Variants in SMG6 observed in about 807,000 individuals in gnomAD.
SMG6 encodes telomerase-binding protein EST1A.
SMG6 carries 66 observed loss-of-function variants against 142.2 expected under a neutral mutation model. The observed-to-expected ratio is 0.46, with a 90% confidence interval of 0.38 to 0.57. The LOEUF (loss-of-function observed/expected upper bound fraction) is 0.57, where lower values mean the gene tolerates loss of function less well. SMG6 is among the 20% of genes least tolerant of loss of function. SMG6 has a pLI of 0.00. For missense variants in SMG6, 1,793 were observed against 1,832.0 expected, an observed-to-expected ratio of 0.98 and a Z score of 0.39; for synonymous variants, 779 against 702.4, an observed-to-expected ratio of 1.11 and a Z score of -1.72.
intron 2 of SMG6, among the ~76,000 whole-genome samples, 188 bp downstream of exon 2, chr17:2,298,718 A>G (rs1230996032): frequency 1.5e-5 from 2 of 137,930 alleles, no homozygotes; most frequent in East Asian, 4.2e-4. Context: ...ACTCCGTCTT[A>G]AAAAAAAAAA....
rs553382223 is a variant in SMG6, at chr17:2,129,189, G to A, written c.3358-43288C>T. On this transcript the variant is annotated intron_variant, in intron 13 of 18. Coordinates refer to ENST00000263073, the MANE Select transcript of SMG6 (RefSeq NM_017575.5). ...AAAATACAAAAAAGTAGCCAGATAT[G>A]GTGGCACATGCCCATAGTCTCAGTT... Among the ~76,000 whole-genome samples, 134 of 152,222 alleles carry A rather than the reference G, an allele frequency of 8.8e-4. 1 individual carries two copies. The highest frequency in any genetic ancestry group is 3.0e-3 in the African/African-American group (125 of 41,558).
At position 2,282,745 on chromosome 17, in the gene SMG6, T is replaced by C. The variant is rs1484780611; in HGVS notation, c.2563A>G (p.Ile855Val). ...CGTGGATGGGATGGATGAATCCAGA[T>C]CTCCAGGCGAGTGGTGTCATCTCCA... ...HVGDDTTRLEIWIHPSHPRSS... is the reference protein window; with the variant it reads ...HVGDDTTRLEVWIHPSHPRSS... The change falls in exon 8 of 19, where the codon ATC (isoleucine) becomes GTC (valine). Residue 855 changes from isoleucine to valine, a missense_variant. Physicochemically the swap from Ile to Val is conservative, Grantham distance 29. This residue lies in a region of SMG6 where 1,597 missense variants were observed against 1,584.6 expected (regional missense o/e 1.01). Coordinates refer to ENST00000263073, the MANE Select transcript of SMG6 (RefSeq NM_017575.5). 1.2e-6 allele frequency: 2 copies of C among 1,614,192 alleles called. No homozygotes were observed. The highest frequency in any genetic ancestry group is 1.7e-6 in the Non-Finnish European group (2 of 1,180,042).
chr17:2,205,365 G>A (rs918321380), intron 10 of SMG6, among the ~76,000 whole-genome samples: 6 of 152,100 alleles, frequency 3.9e-5, no homozygotes, highest in Non-Finnish European at 7.3e-5. Flanking sequence ...GATTACAGGC[G>A]TGAGCCACCA....
chr17:2,184,060 C>A (rs897877603), intron 12 of SMG6, among the ~76,000 whole-genome samples: 1 of 152,232 alleles, frequency 6.6e-6, no homozygotes, highest in Non-Finnish European at 1.5e-5. Flanking sequence ...AGAATCAGCA[C>A]AGACACAGAC....
At chr17:2,287,215 G>A (rs1057409716) in intron 6 of SMG6, among the ~76,000 whole-genome samples, 12 of 152,046 alleles carry the variant, frequency 7.9e-5, no homozygotes, top group African/African-American at 1.4e-4. Flanking sequence ...CACTGGGCCC[G>A]GCTAAAATAA....
At chr17:2,107,918 T>C (rs1382015093) in intron 13 of SMG6, among the ~76,000 whole-genome samples, 1 of 152,182 alleles carries the variant, frequency 6.6e-6, no homozygotes, top group African/African-American at 2.4e-5. Flanking sequence ...TTGTTCTCCT[T>C]CAAGGGCACC....
intron 13 of SMG6, among the ~76,000 whole-genome samples, chr17:2,092,295 G>A (rs1391616707): frequency 6.6e-6 from 1 of 152,174 alleles, no homozygotes; most frequent in Non-Finnish European, 1.5e-5. Flanking sequence ...GTAGTCCTAT[G>A]GTTGGCCTGT....
chr17:2,281,269 G>GC (rs2074779202), intron 8 of SMG6, among the ~76,000 whole-genome samples: 3 of 152,080 alleles, frequency 2.0e-5, no homozygotes, highest in Non-Finnish European at 4.4e-5. Context: ...AGAACTAGAG[G>GC]CCCGCATCAC....
chr17:2,127,573 A>G, intron 13 of SMG6: 1 of 588,928 alleles, frequency 1.7e-6, no homozygotes, highest in Middle Eastern at 3.6e-4. Context: ...TCTCTGGGTG[A>G]CGGCCCAATC....
chr17:2,299,976 GGTGCTGCGC>G lies in SMG6; in HGVS notation c.768_776del (p.Arg257_Thr259del). Reference sequence around the variant, plus strand: ...CGCTGTTGTTGCTGCCAGCTGAGCTGGTGCTGCGCGTGCGGTAGCGATTCCTTCGTTTGT... The same window carrying G: ...CGCTGTTGTTGCTGCCAGCTGAGCTGGTGCGGTAGCGATTCCTTCGTTTGT... On this transcript the variant is annotated inframe_deletion, in exon 2 of 19. Transcript: ENST00000263073. The surrounding 1 kb of genome is among the most constrained non-coding windows in gnomAD (Gnocchi z 4.3). 2 of 1,614,110 alleles carry G rather than the reference GGTGCTGCGC, an allele frequency of 1.2e-6. No homozygotes were observed. Among genetic ancestry groups the G allele is most frequent in the Non-Finnish European group, 1.7e-6 (2 of 1,180,038 alleles).
intron 9 of SMG6, chr17:2,236,912 CTATT>C: frequency 2.0e-6 from 2 of 991,588 alleles, no homozygotes. Context: ...CTTTGGTATG[CTATT>C]TCCTCACCCC....
chr17:2,293,914 T>C (rs2075093602), intron 4 of SMG6, among the ~76,000 whole-genome samples: 1 of 152,246 alleles, frequency 6.6e-6, no homozygotes, highest in South Asian at 2.1e-4. Context: ...TGCAGGACTA[T>C]GTGTTTTCTC....
At chr17:2,153,709 G>A (rs1489554327) in intron 13 of SMG6, among the ~76,000 whole-genome samples, 3 of 146,334 alleles carry the variant, frequency 2.1e-5, no homozygotes, top group Non-Finnish European at 4.5e-5. Flanking sequence ...ACCTGGGGAT[G>A]CATGTAGAGT....
chr17:2,224,157 G>GTA (rs941203848), intron 10 of SMG6, among the ~76,000 whole-genome samples: 1 of 152,170 alleles, frequency 6.6e-6, no homozygotes, highest in African/African-American at 2.4e-5. Flanking sequence ...AACCAGATAG[G>GTA]TAAGTGTGGC....
chr17:2,063,768 G>A (rs548616946), intron 18 of SMG6, among the ~76,000 whole-genome samples: 1 of 152,194 alleles, frequency 6.6e-6, no homozygotes, highest in Non-Finnish European at 1.5e-5. Flanking sequence ...GTGGTGGCGA[G>A]AGAAGACGAC....
chr17:2,149,765 G>C (rs1249461384), intron 13 of SMG6, among the ~76,000 whole-genome samples: 3 of 152,216 alleles, frequency 2.0e-5, no homozygotes, highest in African/African-American at 7.2e-5. Context: ...CCAAGAAACA[G>C]AGCTGGCTCT....
intron 13 of SMG6, among the ~76,000 whole-genome samples, chr17:2,157,501 T>C (rs985741405): frequency 6.6e-6 from 1 of 152,124 alleles, no homozygotes; most frequent in Non-Finnish European, 1.5e-5. Context: ...GGTACCCCTA[T>C]CACAAAGGTA....
At chr17:2,152,925 C>T (rs1199276524) in intron 13 of SMG6, among the ~76,000 whole-genome samples, 2 of 152,068 alleles carry the variant, frequency 1.3e-5, no homozygotes, top group Non-Finnish European at 2.9e-5. Context: ...CTGCAAATAG[C>T]CCAAATGTTC....
At chr17:2,116,794 T>G (rs2069520558) in intron 13 of SMG6, among the ~76,000 whole-genome samples, 1 of 151,682 alleles carries the variant, frequency 6.6e-6, no homozygotes, top group South Asian at 2.1e-4. Context: ...TGCGAGAAGA[T>G]ATTTTCAATA....
Sources: gnomAD v4.1 joint callset for allele counts (sites outside exome capture counted in the v4.1 genomes callset) on GRCh38, gnomAD v4.1.1 for gene constraint, gnomAD v4.1.1 regional missense constraint, Gnocchi (gnomAD v3.1) non-coding constraint, MANE v1.5 for transcripts, NCBI Gene and HGNC (gene_info 2026-07-23, HGNC 2026-07-21) for gene names.